Variants in NAP1L4 observed in about 807,000 individuals in gnomAD.
NAP1L4 encodes nucleosome assembly protein 1 like 4.
Under a neutral mutation model 58.2 loss-of-function variants are expected in NAP1L4, and 15 were observed. The observed-to-expected ratio is 0.26, with a 90% confidence interval of 0.17 to 0.40. The LOEUF (loss-of-function observed/expected upper bound fraction) is 0.40, where lower values mean the gene tolerates loss of function less well. NAP1L4 is among the 10% of genes least tolerant of loss of function. The pLI is 1.00. For synonymous variants in NAP1L4, 171 were observed against 155.6 expected, an observed-to-expected ratio of 1.10 and a Z score of -0.74; for missense variants, 384 against 451.1, an observed-to-expected ratio of 0.85 and a Z score of 1.35.
rs57640918 is a variant in NAP1L4 at position 2,979,771 on chromosome 11, TA to T, written c.-17-535del. On this transcript the variant is annotated intron_variant, in intron 1 of 15. Coordinates refer to ENST00000380542, the MANE Select transcript of NAP1L4 (RefSeq NM_005969.4). ...TGGGCAACAAGAGTGAAACTCCATC[TA>T]AAAAAAAAAATAAAATAAAATAAAA... Among the ~76,000 whole-genome samples, 184 of 146,768 alleles carry T rather than the reference TA, an allele frequency of 1.3e-3. 2 individuals are homozygous for T. Among genetic ancestry groups the T allele is most frequent in the Non-Finnish European group, 1.1e-3 (70 of 66,538 alleles).
At chr11:2,958,579 T>C in intron 9 of NAP1L4, 35 bp from the exon 10 acceptor site, 1 of 1,592,988 alleles carries the variant, frequency 6.3e-7, no homozygotes, top group South Asian at 1.1e-5. Flanking sequence ...GAACACACAA[T>C]CCATGAGAAA....
At chr11:2,987,114 T>C (rs533842582) in intron 1 of NAP1L4, among the ~76,000 whole-genome samples, 43 of 152,124 alleles carry the variant, frequency 2.8e-4, no homozygotes, top group Non-Finnish European at 4.4e-4. Flanking sequence ...GGAATCAAGA[T>C]ACCCCTGTAG....
chr11:2,961,285 G>A (rs567732843), intron 8 of NAP1L4, among the ~76,000 whole-genome samples: 2 of 152,156 alleles, frequency 1.3e-5, no homozygotes, highest in East Asian at 3.8e-4. Flanking sequence ...CAGGGAGACA[G>A]TCTAGTCGGT....
chr11:2,974,566 C>T (rs1383545340), intron 4 of NAP1L4, among the ~76,000 whole-genome samples: 1 of 152,182 alleles, frequency 6.6e-6, no homozygotes, highest in African/African-American at 2.4e-5. Context: ...TAAGTAATCT[C>T]TGAGAAGCTT....
intron 3 of NAP1L4, among the ~76,000 whole-genome samples, chr11:2,977,199 G>A (rs768123947): frequency 3.9e-5 from 6 of 152,214 alleles, no homozygotes; most frequent in Admixed American, 6.5e-5. Context: ...TAAAACCTCC[G>A]TGTGAAAGTT....
chr11:2,956,497 C>T (rs1257325427), intron 10 of NAP1L4, among the ~76,000 whole-genome samples: 25 of 152,248 alleles, frequency 1.6e-4, no homozygotes, highest in Non-Finnish European at 2.9e-5. Context: ...CCTTTTCAAT[C>T]TTCACTGGGC....
chr11:2,963,098 CAAAAAAA>C (rs55650724), intron 8 of NAP1L4, among the ~76,000 whole-genome samples: 1 of 97,092 alleles, frequency 1.0e-5, no homozygotes. Context: ...GACTCGGTCT[CAAAAAAA>C]AAAAAAAAAA....
At chr11:2,977,084 GCACA>G in intron 3 of NAP1L4, among the ~76,000 whole-genome samples, 1 of 152,328 alleles carries the variant, frequency 6.6e-6, no homozygotes, top group African/African-American at 2.4e-5. Flanking sequence ...CTAACATGAA[GCACA>G]TGAAGTGTAT....
Position 2,969,818 on chromosome 11 carries a change from C to A in NAP1L4, c.519G>T (p.Leu173=). ...GTGTGCTTACCTGGACTAATTCACT[C>A]AGCATGTCCACATTTCTGAAGATGG... ...WFTIFRNVDM[L]SELVQEYDEP... The change falls in exon 7 of 16, where the codon CTG becomes CTT. Residue 173 remains leucine, a synonymous_variant. Coordinates refer to ENST00000380542, the MANE Select transcript of NAP1L4 (RefSeq NM_005969.4). 2 of 1,612,970 alleles carry A rather than the reference C, an allele frequency of 1.2e-6. No homozygotes were observed. Among genetic ancestry groups the A allele is most frequent in the Non-Finnish European group, 1.7e-6 (2 of 1,179,468 alleles).
In NAP1L4 at chr11:2,987,440, C is replaced by A. The variant is rs544633443; in HGVS notation, c.-18+4814G>T. Among the ~76,000 whole-genome samples, 383 of 151,558 alleles carry A rather than the reference C, an allele frequency of 2.5e-3. 3 individuals are homozygous for A. Among genetic ancestry groups the A allele is most frequent in the Non-Finnish European group, 4.2e-3 (283 of 67,844 alleles). ...GTGATTACAGGCGTGAGCCACCATG[C>A]CAGGCCCATGATAATGTTTAAAAGC... On this transcript the variant is annotated intron_variant, in intron 1 of 15. Transcript: ENST00000380542.
rs1366044064 is a variant in NAP1L4 at position 2,971,076 on chromosome 11, C to G, written c.402+372G>C. 1.3e-5 allele frequency among the ~76,000 whole-genome samples: 2 copies of G among 152,198 alleles called. No individual in the cohort carries two copies. The highest frequency in any genetic ancestry group is 2.9e-5 in the Non-Finnish European group (2 of 68,026). On this transcript the variant is annotated intron_variant, in intron 6 of 15. Coordinates refer to ENST00000380542, the MANE Select transcript of NAP1L4 (RefSeq NM_005969.4). This position sits in a 1 kb window ranked among gnomAD's most constrained non-coding sequence, Gnocchi z 4.2. ...GGCGGAGCACCTCTCAGGGGGCAAG[C>G]TAGTCCATGCCACTGAGCAGGAAGG...
At chr11:2,989,146 A>G (rs377288251) in intron 1 of NAP1L4, 5 of 152,202 alleles carry the variant, frequency 3.3e-5, no homozygotes, top group African/African-American at 9.7e-5. Context: ...GGTCCCACAA[A>G]AATTCAGCTG....
intron 1 of NAP1L4, chr11:2,990,787 A>C (rs1242210494): frequency 4.9e-6 from 1 of 202,418 alleles, no homozygotes; most frequent in East Asian, 1.3e-4. Flanking sequence ...TCAGGTTATT[A>C]GATTATGAAA....
chr11:2,991,857 C>T (rs532145678), intron 1 of NAP1L4: 1 of 152,258 alleles, frequency 6.6e-6, no homozygotes, highest in Non-Finnish European at 1.5e-5. Flanking sequence ...AGCCCCCGCA[C>T]GCGGGGCGGG....
At chr11:2,975,875 C>G (rs1202165046) in intron 4 of NAP1L4, 149 bp downstream of exon 4, 1 of 685,390 alleles carries the variant, frequency 1.5e-6, no homozygotes, top group Non-Finnish European at 2.4e-6. Context: ...AGGGTCACTC[C>G]TCTCATATCC....
chr11:2,953,945 G>C (rs1318369759), intron 12 of NAP1L4, among the ~76,000 whole-genome samples: 3 of 152,250 alleles, frequency 2.0e-5, no homozygotes, highest in Non-Finnish European at 4.4e-5. Flanking sequence ...TTGAGCCTTG[G>C]TGAGGATGGG....
intron 1 of NAP1L4, among the ~76,000 whole-genome samples, chr11:2,984,390 C>T (rs181254325): frequency 1.6e-4 from 24 of 152,064 alleles, no homozygotes; most frequent in African/African-American, 4.6e-4. Context: ...CTGACCAACA[C>T]GGAGAAACCC....
At chr11:2,976,946 C>T (rs16928966) in intron 3 of NAP1L4, among the ~76,000 whole-genome samples, 31,383 of 152,118 alleles carry the variant, frequency 0.21, 3,473 homozygotes, top group South Asian at 0.34. Flanking sequence ...AGAGCCAGTA[C>T]ATACCCGAGT....
rs568425370 is a variant in NAP1L4, at chr11:2,970,772, T to C, written c.402+676A>G. Among the ~76,000 whole-genome samples, 10 of 152,128 alleles carry C rather than the reference T, an allele frequency of 6.6e-5. 1 individual carries two copies. In the South Asian group the frequency reaches 1.7e-3, roughly 25 times the overall value. ...TCACAACTGTATTAATCCACAGCCA[T>C]GGCTTCAATTAGGCCAGGTTCTATA... On this transcript the variant is annotated intron_variant, in intron 6 of 15. Coordinates refer to ENST00000380542, the MANE Select transcript of NAP1L4 (RefSeq NM_005969.4).
Sources: allele counts gnomAD v4.1 joint callset (sites outside exome capture counted in the v4.1 genomes callset), GRCh38; gene constraint gnomAD v4.1.1; non-coding constraint Gnocchi (gnomAD v3.1); transcripts MANE v1.5; gene names NCBI Gene and HGNC (gene_info 2026-07-23, HGNC 2026-07-21).